The following SYNE1 variants were observed in gnomAD, a reference collection of about 807,000 sequenced individuals.
SYNE1 encodes nesprin-1.
SYNE1 carries 616 observed loss-of-function variants against 1,111.0 expected under a neutral mutation model. That is an observed-to-expected ratio of 0.55 (90% CI 0.52 to 0.59). SYNE1 has a LOEUF of 0.59. Among genes scored for constraint, SYNE1 ranks in the 20% least tolerant of loss-of-function variants. SYNE1 has a pLI of 0.00. For synonymous variants in SYNE1, 3,855 were observed against 3,825.8 expected (o/e 1.01, Z -0.28); for missense variants, 10,006 against 10,417.0 (o/e 0.96, Z 1.72).
At chr6:152,361,532 A>G (rs2096930695) in intron 64 of SYNE1, among the ~76,000 whole-genome samples, 1 of 152,206 alleles carries the variant, frequency 6.6e-6, no homozygotes. Context: ...CCAATGTAAT[A>G]TATTCAGGGT....
In SYNE1 at chr6:152,362,262, C is replaced by T. The variant is rs116758271; in HGVS notation, c.10207G>A (p.Gly3403Ser). 3,693 of 1,614,176 alleles carry T rather than the reference C, an allele frequency of 2.3e-3. 61 individuals are homozygous for T. The African/African-American group carries it at 0.042, about 18-fold the overall frequency. The change falls in exon 64 of 146, where the codon GGT (glycine) becomes AGT (serine). Residue 3403 changes from glycine to serine, a missense_variant. Around this residue, in one of 7 missense-constraint regions of SYNE1, gnomAD observed 4,955 missense variants for 5,017.2 expected, o/e 0.99. Coordinates refer to ENST00000367255, the MANE Select transcript of SYNE1 (RefSeq NM_182961.4). ...TTGGCTTCCATACTATCCATCCAACCGGAGAACTGTCGAACGCCATCCTGA... is the reference window on the plus strand; with the variant it reads ...TTGGCTTCCATACTATCCATCCAACTGGAGAACTGTCGAACGCCATCCTGA... ...SYQDGVRQFS[G>S]WMDSMEANLN...
At chr6:152,386,022 G>C (rs528418886) in intron 54 of SYNE1, among the ~76,000 whole-genome samples, 184 bp from the exon 55 acceptor site, 1 of 152,160 alleles carries the variant, frequency 6.6e-6, no homozygotes, top group Admixed American at 6.5e-5. Flanking sequence ...TCAAGGCTTT[G>C]GAAAAGCAAC....
intron 131 of SYNE1, among the ~76,000 whole-genome samples, chr6:152,161,923 G>A (rs1457160198): frequency 2.6e-5 from 4 of 152,202 alleles, no homozygotes; most frequent in African/African-American, 4.8e-5. Flanking sequence ...TGGGGAAGCG[G>A]GCTGGGAGCC....
At position 152,149,562 on chromosome 6, in the gene SYNE1, T is replaced by G; in HGVS notation, c.24557A>C (p.Glu8186Ala). 1.2e-6 allele frequency: 2 copies of G among 1,614,208 alleles called. No homozygotes were observed. Among genetic ancestry groups the G allele is most frequent in the Non-Finnish European group, 1.7e-6 (2 of 1,180,034 alleles). ...CCGTCGGAGCTCATCTAGTTCCTCC[T>G]CGATGATCGCTGCATCCAAGGGCTC... ...KSEPLDAAII[E>A]EELDELRRYC... Residue 8186 changes from glutamate (E) to alanine (A), a missense_variant, in exon 136 of 146, where the codon GAG (glutamate) becomes GCG (alanine). Transcript: ENST00000367255.
chr6:152,370,151 G>A (rs1323152220), intron 59 of SYNE1, among the ~76,000 whole-genome samples: 2 of 151,744 alleles, frequency 1.3e-5, no homozygotes, highest in African/African-American at 4.8e-5. Context: ...CTAACTCTCT[G>A]GCCCACTTCT....
rs143505578 is a variant in SYNE1, at chr6:152,353,455, T to A, written c.11083-22A>T. On this transcript the variant is annotated intron_variant, in intron 68 of 145. Transcript: ENST00000367255. ...GTTCCTATGAAAGAAAAGAGAAAAT[T>A]GAATGGTGAAGTAAAGGCCTGTGCC... 1,076 of 1,614,116 alleles carry A rather than the reference T, an allele frequency of 6.7e-4. 4 individuals are homozygous for A. In the African/African-American group the frequency reaches 9.2e-3, roughly 14 times the overall value.
intron 24 of SYNE1, 58 bp from the exon 25 acceptor site, chr6:152,453,778 G>C (rs2098671273): frequency 5.6e-6 from 9 of 1,610,342 alleles, no homozygotes; most frequent in Non-Finnish European, 5.9e-6. Context: ...GCAGCACCAG[G>C]CACAATCAGC....
intron 11 of SYNE1, among the ~76,000 whole-genome samples, chr6:152,489,749 C>T (rs1022495078): frequency 5.9e-5 from 9 of 152,128 alleles, no homozygotes; most frequent in African/African-American, 2.2e-4. Flanking sequence ...TTTTCTAACC[C>T]AGAAGTCTGA....
chr6:152,249,384 A>T (rs1239632768), intron 104 of SYNE1, 122 bp from the exon 105 acceptor site: 7 of 725,838 alleles, frequency 9.6e-6, no homozygotes, highest in South Asian at 5.8e-5. Flanking sequence ...CAGGAGAAAC[A>T]ATACTGTGCT....
chr6:152,620,631 T>C (rs1193391338), intron 3 of SYNE1, among the ~76,000 whole-genome samples: 3 of 152,204 alleles, frequency 2.0e-5, no homozygotes. Flanking sequence ...CACATTGTTT[T>C]AGTCTTACCT....
Position 152,330,935 on chromosome 6 carries a change from C to A in SYNE1, c.13750G>T (p.Val4584Phe), listed in dbSNP as rs977191509. 1.9e-6 allele frequency: 3 copies of A among 1,614,114 alleles called. No individual in the cohort carries two copies. Among genetic ancestry groups the A allele is most frequent in the East Asian group, 2.2e-5 (1 of 44,880 alleles). Residue 4584 changes from valine (V) to phenylalanine (F), a missense_variant, in exon 78 of 146, where the codon GTT becomes TTT. Val to Phe is a conservative substitution (Grantham distance 50). Transcript: ENST00000367255. ...ATTAGGTTGATTTCAGGAAATGTAACAATATCTGCTTGTTTTAGCCAGTGG... is the reference window on the plus strand; with the variant it reads ...ATTAGGTTGATTTCAGGAAATGTAAAAATATCTGCTTGTTTTAGCCAGTGG... ...ACHWLKQADI[V>F]TFPEINLMNE...
chr6:152,396,635 C>G lies in SYNE1; in HGVS notation c.7556+140G>C, dbSNP rs575741144. 1.4e-5 allele frequency: 12 copies of G among 875,084 alleles called. No individual in the cohort carries two copies. In the East Asian group the frequency reaches 2.8e-4, roughly 21 times the overall value. 54.2% of individuals were successfully genotyped at this position (875,084 alleles called of 1,614,324 possible). On this transcript the variant is annotated intron_variant, in intron 50 of 145. Transcript: ENST00000367255. ...AAAATTGATTATTGCCCTAGTATCA[C>G]CTGTATTTATGATCAAAGCTTATTA...
chr6:152,147,931 T>C, intron 137 of SYNE1, 114 bp downstream of exon 137: 1 of 964,136 alleles, frequency 1.0e-6, no homozygotes, highest in Non-Finnish European at 1.6e-6. Context: ...AGGTACAATT[T>C]CCCCGCATGA....
chr6:152,392,078 T>A (rs2097651511), intron 51 of SYNE1, among the ~76,000 whole-genome samples: 1 of 152,104 alleles, frequency 6.6e-6, no homozygotes, highest in African/African-American at 2.4e-5. Context: ...CCCAGGAGCA[T>A]CCACACCAAT....
chr6:152,471,593 T>C lies in SYNE1; in HGVS notation c.1632+4A>G, dbSNP rs886044092. The C allele has an allele frequency of 6.2e-7, 1 of 1,613,724 alleles. No homozygotes were observed. Among genetic ancestry groups the C allele is most frequent in the Non-Finnish European group, 8.5e-7 (1 of 1,179,668 alleles). On this transcript the variant is annotated splice_donor_region_variant and intron_variant, in intron 16 of 145. Transcript: ENST00000367255. Reference sequence around the variant, plus strand: ...AATTCTCTGTCAAAGCACGGGGGACTCACCACGTAGTTTTGTAGAAGCTGC... The same window carrying C: ...AATTCTCTGTCAAAGCACGGGGGACCCACCACGTAGTTTTGTAGAAGCTGC...
At chr6:152,128,390 T>A (rs2054258177) in intron 145 of SYNE1, 1 of 152,216 alleles carries the variant, frequency 6.6e-6, no homozygotes, top group Admixed American at 6.5e-5. Context: ...CTTTTAATGG[T>A]AGGAATCACA....
At chr6:152,604,709 G>A (rs1175018707) in intron 3 of SYNE1, among the ~76,000 whole-genome samples, 1 of 151,706 alleles carries the variant, frequency 6.6e-6, no homozygotes, top group Non-Finnish European at 1.5e-5. Flanking sequence ...GGAAGTCAAG[G>A]CAGGCGGATC....
chr6:152,164,010 G>A lies in SYNE1; in HGVS notation c.23790+153C>T, dbSNP rs549794310. Among the ~76,000 whole-genome samples the A allele has an allele frequency of 1.7e-4, 26 of 152,200 alleles. No homozygotes were observed. The South Asian group carries it at 4.8e-3, about 28-fold the overall frequency. On this transcript the variant is annotated intron_variant, in intron 131 of 145. Coordinates refer to ENST00000367255, the MANE Select transcript of SYNE1 (RefSeq NM_182961.4). ...GACATGGAACCTGTTGGCCTCAATC[G>A]CCTGCCTAGGCAAAGCCCCCTTCCT...
At chr6:152,297,523 C>A (rs2094935698) in intron 93 of SYNE1, among the ~76,000 whole-genome samples, 1 of 152,174 alleles carries the variant, frequency 6.6e-6, no homozygotes, top group African/African-American at 2.4e-5. Context: ...TCATCCTGAG[C>A]ACATTGTGGA....
Sources: gnomAD v4.1 joint callset for allele counts (sites outside exome capture counted in the v4.1 genomes callset) on GRCh38, gnomAD v4.1.1 for gene constraint, gnomAD v4.1.1 regional missense constraint, MANE v1.5 for transcripts, NCBI Gene and HGNC (gene_info 2026-07-23, HGNC 2026-07-21) for gene names.